HEXB: variants seen among roughly 807,000 people sequenced by gnomAD.
HEXB encodes the protein beta-hexosaminidase subunit beta.
Under a neutral mutation model 71.2 loss-of-function variants are expected in HEXB, and 51 were observed. That is an observed-to-expected ratio of 0.72 (90% CI 0.57 to 0.90). The LOEUF (loss-of-function observed/expected upper bound fraction) is 0.90, where lower values mean the gene tolerates loss of function less well. Ranked by LOEUF, HEXB falls within the 40% of genes least tolerant of loss-of-function variation. HEXB has a pLI of 0.00. For synonymous variants in HEXB, 266 were observed against 249.3 expected (o/e 1.07, Z -0.63); for missense variants, 617 against 677.0 (o/e 0.91, Z 0.98).
chr5:74,703,879 A>G (rs1050404770), intron 5 of HEXB, among the ~76,000 whole-genome samples: 2 of 152,164 alleles, frequency 1.3e-5, no homozygotes, highest in Non-Finnish European at 1.5e-5. Flanking sequence ...GGGTCTCACT[A>G]TGTCATGCAG....
intron 3 of HEXB, among the ~76,000 whole-genome samples, chr5:74,695,140 T>C (rs1243146741): frequency 6.6e-6 from 1 of 151,860 alleles, no homozygotes; most frequent in Non-Finnish European, 1.5e-5. Flanking sequence ...ATATTAGTGA[T>C]TTTAAGCTTT....
At chr5:74,667,466 C>T (rs942042976) in intron 1 of HEXB, among the ~76,000 whole-genome samples, 9 of 152,124 alleles carry the variant, frequency 5.9e-5, no homozygotes, top group African/African-American at 2.2e-4. Flanking sequence ...TGGGAAAGGT[C>T]TCATCTGTCT....
intron 1 of HEXB, among the ~76,000 whole-genome samples, chr5:74,650,765 C>CA (rs773616448): frequency 7.1e-4 from 103 of 145,532 alleles, no homozygotes; most frequent in East Asian, 1.0e-3. Flanking sequence ...ACTAAAAATA[C>CA]AAAAAAAAAA....
intron 2 of HEXB, chr5:74,689,799 A>G (rs1487820886): frequency 2.2e-5 from 6 of 273,862 alleles, no homozygotes; most frequent in Admixed American, 4.9e-5. Context: ...CATGATAAGC[A>G]TTGACATGAA....
chr5:74,690,783 TG>T (rs1424695006), intron 2 of HEXB, among the ~76,000 whole-genome samples: 6 of 151,840 alleles, frequency 4.0e-5, no homozygotes, highest in African/African-American at 1.4e-4. Flanking sequence ...TTCATCCTGC[TG>T]GTTTAGATGA....
At chr5:74,682,080 T>G (rs1045450623), upstream of HEXB, among the ~76,000 whole-genome samples, 1 of 152,170 alleles carries the variant, frequency 6.6e-6, no homozygotes, top group South Asian at 2.1e-4. Flanking sequence ...CCTCCGGGGC[T>G]GGGTGCGGTG....
intron 8 of HEXB, among the ~76,000 whole-genome samples, chr5:74,716,016 C>CAAAA (rs71600435): frequency 6.2e-5 from 4 of 64,854 alleles, no homozygotes; most frequent in South Asian, 6.5e-4. Context: ...GACTCCATCT[C>CAAAA]AAAAAAAAAA....
chr5:74,662,315 T>C (rs576786682), intron 1 of HEXB, among the ~76,000 whole-genome samples: 2 of 152,384 alleles, frequency 1.3e-5, no homozygotes, highest in East Asian at 3.9e-4. Context: ...TTGCACAGTA[T>C]AATTTCCATA....
At chr5:74,663,856 G>A (rs1748377722) in intron 1 of HEXB, among the ~76,000 whole-genome samples, 1 of 151,812 alleles carries the variant, frequency 6.6e-6, no homozygotes, top group Non-Finnish European at 1.5e-5. Context: ...CCAGGCGTGG[G>A]GGCTCATGCC....
chr5:74,689,088 A>G lies in HEXB; in HGVS notation c.300-240A>G, dbSNP rs16872206. ...ATGTCACTTCAGAGTGTGGGGAAGC[A>G]TTTAAAATTCCCATGCCTGAATCCC... On this transcript the variant is annotated intron_variant, in intron 1 of 13. Coordinates refer to ENST00000261416, the MANE Select transcript of HEXB (RefSeq NM_000521.4). Among the ~76,000 whole-genome samples, 34,947 of 152,042 alleles carry G rather than the reference A, an allele frequency of 0.23. 4,554 individuals carry two copies. The highest frequency in any genetic ancestry group is 0.34 in the African/African-American group (14,217 of 41,424).
intron 5 of HEXB, among the ~76,000 whole-genome samples, chr5:74,698,612 A>G (rs1005605880): frequency 1.3e-5 from 2 of 149,978 alleles, no homozygotes; most frequent in African/African-American, 2.5e-5. Context: ...GGATGTTCTC[A>G]ATCTCCTGAC....
intron 5 of HEXB, among the ~76,000 whole-genome samples, chr5:74,697,706 C>G (rs1181795288): frequency 7.8e-6 from 1 of 128,332 alleles, no homozygotes; most frequent in South Asian, 2.5e-4. Context: ...CCAGCCTGGG[C>G]GACAGAGCAA....
intron 1 of HEXB, among the ~76,000 whole-genome samples, chr5:74,679,732 A>G (rs111335315): frequency 0.21 from 29,650 of 139,834 alleles, 3,055 homozygotes; most frequent in East Asian, 0.3. Context: ...CCCGGGAGGC[A>G]GAGGTTGCAG....
chr5:74,711,729 A>G (rs1314027029), intron 6 of HEXB, among the ~76,000 whole-genome samples: 3 of 152,112 alleles, frequency 2.0e-5, no homozygotes, highest in Non-Finnish European at 2.9e-5. Context: ...CAAAACCACA[A>G]TGAGATACCA....
rs397998152 is a variant in HEXB, at chr5:74,664,430, TAAAAA to T, written c.-377+23891_-377+23895del. ...GGGCAATAGAGCAAGATTCTATCTC[TAAAAA>T]AAAAAAAAAAAAAAAAAACAGAGAG... On this transcript the variant is annotated intron_variant, in intron 1 of 13. Transcript: ENST00000511181. 3.5e-4 allele frequency among the ~76,000 whole-genome samples: 28 copies of T among 79,656 alleles called. 1 individual carries two copies. The highest frequency in any genetic ancestry group is 7.0e-4 in the African/African-American group (15 of 21,502). 52.3% of individuals were successfully genotyped at this position (79,656 alleles called of 152,430 possible). A position where few individuals can be genotyped will look rare whatever the true frequency, so the allele number is the denominator to read the frequency against.
chr5:74,664,293 G>A (rs367706046), intron 1 of HEXB, among the ~76,000 whole-genome samples: 6 of 151,666 alleles, frequency 4.0e-5, no homozygotes, highest in South Asian at 4.2e-4. Flanking sequence ...CAGGTGTGGT[G>A]GTGCACCCCT....
intron 1 of HEXB, among the ~76,000 whole-genome samples, chr5:74,651,447 C>T (rs545628367): frequency 1.6e-4 from 25 of 152,312 alleles, no homozygotes; most frequent in East Asian, 5.8e-4. Context: ...GTTCTATACT[C>T]GCTAAGGCAA....
chr5:74,643,459 G>A (rs1304738951), intron 1 of HEXB, among the ~76,000 whole-genome samples: 1 of 152,158 alleles, frequency 6.6e-6, no homozygotes, highest in East Asian at 1.9e-4. Flanking sequence ...CACTGTATCC[G>A]CATTACACAA....
chr5:74,718,841 T>A lies in HEXB; in HGVS notation c.1287T>A (p.Tyr429Ter), dbSNP rs1749739842. ...TIVEVWKDSA[Y>*]PEELSRVTAS... Reference sequence around the variant, plus strand: ...TTGAAGTATGGAAAGACAGCGCATATCCTGAGGAACTCAGTAGAGTCACAG... The same window carrying A: ...TTGAAGTATGGAAAGACAGCGCATAACCTGAGGAACTCAGTAGAGTCACAG... Residue 429 changes from tyrosine to a stop codon, truncating the protein, a stop_gained, in exon 11 of 14, where the codon TAT (tyrosine) becomes TAA (stop). Transcript: ENST00000261416. LOFTEE classifies it high-confidence loss of function. The A allele has an allele frequency of 6.2e-7, 1 of 1,614,198 alleles. No homozygotes were observed. Among genetic ancestry groups the A allele is most frequent in the Non-Finnish European group, 8.5e-7 (1 of 1,180,006 alleles).
Sources: allele counts gnomAD v4.1 joint callset (sites outside exome capture counted in the v4.1 genomes callset), GRCh38; gene constraint gnomAD v4.1.1; transcripts MANE v1.5; gene names NCBI Gene and HGNC (gene_info 2026-07-23, HGNC 2026-07-21).